Variants in LZTR1 observed in about 807,000 individuals in gnomAD.
The protein encoded by LZTR1 is leucine-zipper-like transcriptional regulator 1.
A neutral mutation model predicts 105.7 loss-of-function variants in LZTR1; 260 were observed. The observed-to-expected ratio is 2.46, with a 90% CI of 2.22 to 2.72. The LOEUF (loss-of-function observed/expected upper bound fraction) is 2.72, where lower values mean the gene tolerates loss of function less well. Ranked by LOEUF, LZTR1 falls within the 30% of genes most tolerant of loss-of-function variation. The pLI, the probability that LZTR1 is intolerant of heterozygous loss-of-function variation, is 0.00. For missense variants in LZTR1, 1,214 were observed against 1,166.9 expected, an observed-to-expected ratio of 1.04 and a Z score of -0.59; for synonymous variants, 490 against 476.4, an observed-to-expected ratio of 1.03 and a Z score of -0.37.
At chr22:20,989,146 G>A (rs914781296) in intron 6 of LZTR1, among the ~76,000 whole-genome samples, 1 of 152,216 alleles carries the variant, frequency 6.6e-6, no homozygotes, top group Non-Finnish European at 1.5e-5. Flanking sequence ...GTTGGTGGGC[G>A]GGTGGGCGGT....
chr22:20,997,026 C>A (rs367973716), intron 20 of LZTR1, 60 bp downstream of exon 20: 26 of 1,561,516 alleles, frequency 1.7e-5, no homozygotes, highest in African/African-American at 1.6e-4. Context: ...CATGCCCAGG[C>A]AGGGAGGGTG....
intron 3 of LZTR1, 194 bp downstream of exon 3, chr22:20,986,091 C>G: frequency 1.6e-6 from 1 of 612,108 alleles, no homozygotes; most frequent in Non-Finnish European, 2.9e-6. Flanking sequence ...GTAACCACCC[C>G]GCACCTGCAG....
At chr22:20,990,549 G>A in intron 8 of LZTR1, 24 bp downstream of exon 8, 3 of 1,590,552 alleles carry the variant, frequency 1.9e-6, no homozygotes, top group Admixed American at 3.4e-5. Flanking sequence ...CCAGTGGGGT[G>A]GAGGGAGGAC....
chr22:20,991,912 TG>T, intron 9 of LZTR1, 83 bp downstream of exon 9: 2 of 1,295,278 alleles, frequency 1.5e-6, no homozygotes, highest in South Asian at 1.4e-5. Flanking sequence ...CTCACAGCTT[TG>T]GGGCCCCCTG....
chr22:20,996,751 T>C lies in LZTR1; in HGVS notation c.2275T>C (p.Tyr759His). The change falls in exon 19 of 21, where the codon TAC becomes CAC. Residue 759 changes from tyrosine (Y) to histidine (H), a missense_variant. By Grantham distance (83) the Tyr-to-His change is moderately conservative. Coordinates refer to ENST00000646124, the MANE Select transcript of LZTR1 (RefSeq NM_006767.4). ...CTTCTACAACAACCGGCTGCAGGCG[T>C]ACTGCAAGCAGAACCTGGAGATGAA... ...YGFYNNRLQA[Y>H]CKQNLEMNVT... is the part of the protein sequence containing the mutation. The C allele has an allele frequency of 6.2e-7, 1 of 1,613,430 alleles. No individual in the cohort carries two copies. Among genetic ancestry groups the C allele is most frequent in the Non-Finnish European group, 8.5e-7 (1 of 1,179,984 alleles).
At chr22:20,990,290 C>T (rs1924554566) in intron 7 of LZTR1, 96 bp from the exon 8 acceptor site, 2 of 1,409,496 alleles carry the variant, frequency 1.4e-6, no homozygotes, top group Admixed American at 1.7e-5. Context: ...GGGGAAGTTT[C>T]AAGAATAAAA....
chr22:20,989,287 T>A (rs1198160035), intron 6 of LZTR1, among the ~76,000 whole-genome samples: 2 of 152,228 alleles, frequency 1.3e-5, no homozygotes, highest in Non-Finnish European at 2.9e-5. Flanking sequence ...AACTTCAGCA[T>A]CATAGAAACT....
intron 16 of LZTR1, 116 bp downstream of exon 16, chr22:20,995,142 TG>T: frequency 8.4e-7 from 1 of 1,185,178 alleles, no homozygotes; most frequent in Non-Finnish European, 1.2e-6. Flanking sequence ...GTGGGTGCCA[TG>T]GGACCCCAGA....
chr22:20,994,346 A>T (rs751974801), intron 14 of LZTR1, 77 bp downstream of exon 14: 2 of 1,496,488 alleles, frequency 1.3e-6, no homozygotes, highest in African/African-American at 2.7e-5. Context: ...GGGTGCTGCC[A>T]GCCCTGCCTT....
chr22:20,983,697 G>T (rs1924278476), intron 2 of LZTR1, among the ~76,000 whole-genome samples: 1 of 152,186 alleles, frequency 6.6e-6, no homozygotes, highest in Non-Finnish European at 1.5e-5. Flanking sequence ...TACTGGCTCT[G>T]CAGCCTTGGT....
At chr22:20,993,869 T>A in intron 12 of LZTR1, 55 bp from the exon 13 acceptor site, 1 of 1,582,954 alleles carries the variant, frequency 6.3e-7, no homozygotes. Flanking sequence ...GCTGGGTCTC[T>A]GTTCTCTGGG....
chr22:20,991,975 TG>T, intron 9 of LZTR1, 146 bp downstream of exon 9: 1 of 838,112 alleles, frequency 1.2e-6, no homozygotes, highest in Non-Finnish European at 1.8e-6. Context: ...GCCTCAGCCC[TG>T]GACACCTGCC....
Position 20,991,612 on chromosome 22 carries a change from T to A in LZTR1, c.792-16T>A. Reference sequence around the variant, plus strand: ...AGCCCCTGTCCCAGCATTGATTCACTGTTGTGTACCCCCAGGTGGACACGC... The same window carrying A: ...AGCCCCTGTCCCAGCATTGATTCACAGTTGTGTACCCCCAGGTGGACACGC... On this transcript the variant is annotated splice_polypyrimidine_tract_variant and intron_variant, in intron 8 of 20. Coordinates refer to ENST00000646124, the MANE Select transcript of LZTR1 (RefSeq NM_006767.4). 1 of 1,553,466 alleles carries A rather than the reference T, an allele frequency of 6.4e-7. No individual in the cohort carries two copies. Among genetic ancestry groups the A allele is most frequent in the South Asian group, 1.2e-5 (1 of 85,600 alleles).
chr22:20,991,808 C>G lies in LZTR1; in HGVS notation c.972C>G (p.Val324=). ...YDVDFQTWEV[V]QPSSDSEVGG... ...TGGACTTCCAGACCTGGGAGGTCGT[C>G]CAGCCCAGCTCCGACAGCGAGGTGA... The change falls in exon 9 of 21, where the codon GTC becomes GTG. Residue 324 remains valine (V), a synonymous_variant. Transcript: ENST00000646124. 2 of 1,550,918 alleles carry G rather than the reference C, an allele frequency of 1.3e-6. No homozygotes were observed. Among genetic ancestry groups the G allele is most frequent in the East Asian group, 2.4e-5 (1 of 40,984 alleles).
At position 20,989,692 on chromosome 22, in the gene LZTR1, G is replaced by T; in HGVS notation, c.651+10G>T. The T allele has an allele frequency of 1.3e-6, 2 of 1,598,644 alleles. No individual in the cohort carries two copies. The highest frequency in any genetic ancestry group is 8.5e-7 in the Non-Finnish European group (1 of 1,170,518). ...CACCTGCTGGGAGGAGGTGAGGGGC[G>T]TGGGGAGCCAGGGCGCAGGTAGAGG... On this transcript the variant is annotated intron_variant, in intron 7 of 20. Coordinates refer to ENST00000646124, the MANE Select transcript of LZTR1 (RefSeq NM_006767.4).
intron 1 of LZTR1, 39 bp from the exon 2 acceptor site, chr22:20,982,988 G>A (rs1924252818): frequency 3.1e-6 from 5 of 1,595,564 alleles, no homozygotes; most frequent in Non-Finnish European, 4.3e-6. Flanking sequence ...CCCCCCAGGA[G>A]GGTCCTGTCC....
chr22:20,997,573 C>G lies in LZTR1; in HGVS notation c.*225C>G. 6.0e-6 allele frequency: 3 copies of G among 503,918 alleles called. No individual in the cohort carries two copies. The highest frequency in any genetic ancestry group is 1.1e-5 in the Non-Finnish European group (3 of 276,108). The allele number at this position is 503,918 out of a possible 1,614,324, so 31.2% of individuals were successfully genotyped here. On this transcript the variant is annotated 3_prime_UTR_variant, in exon 21 of 21. Coordinates refer to ENST00000646124, the MANE Select transcript of LZTR1 (RefSeq NM_006767.4). ...GGGAGCGGATGATGAAGCAGACCCC[C>G]TCCTGTCATCACCCTCTCCTGGTGT...
rs1924878453 is a variant in LZTR1 at position 20,996,942 on chromosome 22, C to A, written c.2382C>A (p.His794Gln). ...QALDMKRHCL[H>Q]IIVHQFTKVS... is the part of the protein sequence containing the mutation. ...TGGACATGAAGCGGCACTGCCTGCA[C>A]ATCATTGTGCACCAGTTCACCAAGG... Residue 794 changes from histidine (H) to glutamine (Q), a missense_variant, in exon 20 of 21, where the codon CAC (histidine) becomes CAA (glutamine). Physicochemically the swap from His to Gln is conservative, Grantham distance 24. Coordinates refer to ENST00000646124, the MANE Select transcript of LZTR1 (RefSeq NM_006767.4). 1 of 1,613,684 alleles carries A rather than the reference C, an allele frequency of 6.2e-7. No individual in the cohort carries two copies. Among genetic ancestry groups the A allele is most frequent in the Non-Finnish European group, 8.5e-7 (1 of 1,179,944 alleles).
intron 2 of LZTR1, among the ~76,000 whole-genome samples, chr22:20,984,768 T>C (rs1300669835): frequency 6.6e-6 from 1 of 152,012 alleles, no homozygotes; most frequent in African/African-American, 2.4e-5. Flanking sequence ...AGTGAGACCG[T>C]TCAGGGGGCA....
Sources: gnomAD v4.1 joint callset for allele counts (sites outside exome capture counted in the v4.1 genomes callset) on GRCh38, gnomAD v4.1.1 for gene constraint, MANE v1.5 for transcripts, NCBI Gene and HGNC (gene_info 2026-07-23, HGNC 2026-07-21) for gene names.